The following USP34 variants were observed in gnomAD, a reference collection of about 807,000 sequenced individuals.
USP34 encodes the protein ubiquitin specific peptidase 34.
In USP34, 70 loss-of-function variants were observed where a neutral mutation model predicts 460.3. That is an observed-to-expected ratio of 0.15 (90% CI 0.13 to 0.19). The LOEUF is 0.19. Ranked by LOEUF, USP34 falls within the 10% of genes least tolerant of loss-of-function variation. USP34 has a pLI of 1.00. For synonymous variants in USP34, 1,647 were observed against 1,405.3 expected (o/e 1.17, Z -3.85); for missense variants, 3,985 against 4,236.2 (o/e 0.94, Z 1.65).
At position 61,265,550 on chromosome 2, in the gene USP34, T is replaced by G; in HGVS notation, c.5625A>C (p.Ala1875=). ...GAGGCCAGTAATCCCATTTATAAGG[T>G]GCATGGGCTGCTGAAGAAAGAGGGA... ...WVMAQHMQSH[A]PYKWDYWPHE... Residue 1875 remains alanine (A), a synonymous_variant, in exon 43 of 80, where the codon GCA becomes GCC. Coordinates refer to ENST00000398571, the MANE Select transcript of USP34 (RefSeq NM_014709.4). The G allele has an allele frequency of 6.3e-7, 1 of 1,590,792 alleles. No homozygotes were observed. Among genetic ancestry groups the G allele is most frequent in the Non-Finnish European group, 8.6e-7 (1 of 1,165,530 alleles).
chr2:61,397,628 C>T (rs1693576311), intron 3 of USP34, among the ~76,000 whole-genome samples: 1 of 152,006 alleles, frequency 6.6e-6, no homozygotes, highest in African/African-American at 2.4e-5. Flanking sequence ...TGGCTGTGTG[C>T]AATGGCTCAC....
chr2:61,470,793 C>A lies in USP34; in HGVS notation c.-101G>T. 3.0e-6 allele frequency: 2 copies of A among 668,086 alleles called. No homozygotes were observed. The highest frequency in any genetic ancestry group is 2.1e-5 in the South Asian group (1 of 48,332). 41.4% of individuals were successfully genotyped at this position (668,086 alleles called of 1,614,324 possible). A position where few individuals can be genotyped will look rare whatever the true frequency, so the allele number is the denominator to read the frequency against. On this transcript the variant is annotated 5_prime_UTR_variant, in exon 1 of 80. Transcript: ENST00000398571. ...GAGGCGGAGGAGGGGGCCGGCCGGC[C>A]GGCGGGGCGGGGAGGCGACTAGGGC...
chr2:61,326,419 G>A (rs1384659155), intron 20 of USP34, among the ~76,000 whole-genome samples: 1 of 152,110 alleles, frequency 6.6e-6, no homozygotes, highest in African/African-American at 2.4e-5. Flanking sequence ...AGTAGAGACG[G>A]GGTTTCACCA....
intron 48 of USP34, among the ~76,000 whole-genome samples, chr2:61,255,323 C>T (rs890455802): frequency 5.3e-5 from 8 of 152,312 alleles, no homozygotes; most frequent in African/African-American, 1.9e-4. Context: ...TCAACAGTTA[C>T]TAACTCCCAA....
rs151163953 is a variant in USP34, at chr2:61,365,353, A to C, written c.1251+4968T>G. Among the ~76,000 whole-genome samples, 1,236 of 152,088 alleles carry C rather than the reference A, an allele frequency of 8.1e-3. 22 individuals carry two copies. The highest frequency in any genetic ancestry group is 0.029 in the African/African-American group (1,182 of 41,450). On this transcript the variant is annotated intron_variant, in intron 10 of 79. Coordinates refer to ENST00000398571, the MANE Select transcript of USP34 (RefSeq NM_014709.4). ...TATATATGTATGTATGTATGTATGT[A>C]TGCCTTCAAAAACTCAGAACAAAAC... is the stretch of plus-strand genomic sequence containing the variant.
chr2:61,296,513 A>G lies in USP34; in HGVS notation c.4254+287T>C, dbSNP rs370377343. Among the ~76,000 whole-genome samples the G allele has an allele frequency of 2.7e-4, 41 of 152,350 alleles. 1 individual carries two copies. In the East Asian group the frequency reaches 5.4e-3, roughly 20 times the overall value. On this transcript the variant is annotated intron_variant, in intron 30 of 79. Coordinates refer to ENST00000398571, the MANE Select transcript of USP34 (RefSeq NM_014709.4). ...TTTTTGTTACTAAGAACAAAAAACA[A>G]TATTAAAAGCATACTGTAATATGAA...
intron 1 of USP34, among the ~76,000 whole-genome samples, chr2:61,440,498 GA>G (rs1694932515): frequency 6.6e-6 from 1 of 151,500 alleles, no homozygotes; most frequent in Non-Finnish European, 1.5e-5. Flanking sequence ...CATTCTTCTT[GA>G]AAAAGTTGCC....
At chr2:61,235,751 A>T in intron 57 of USP34, 94 bp downstream of exon 57, 1 of 1,288,006 alleles carries the variant, frequency 7.8e-7, no homozygotes, top group Non-Finnish European at 1.1e-6. Context: ...TCCCTGTGAC[A>T]GATAAAACAA....
chr2:61,378,533 T>C (rs1157550384), intron 7 of USP34, 109 bp from the exon 8 acceptor site: 1 of 598,292 alleles, frequency 1.7e-6, no homozygotes, highest in Non-Finnish European at 2.9e-6. Context: ...TCACAATAAC[T>C]AGATTAATAT....
intron 39 of USP34, among the ~76,000 whole-genome samples, chr2:61,279,866 G>GT (rs1414666357): frequency 1.3e-5 from 2 of 152,118 alleles, no homozygotes; most frequent in Non-Finnish European, 2.9e-5. Context: ...TTTCTTTAAA[G>GT]TAACTTCTAT....
At chr2:61,381,761 A>G (rs917270326) in intron 6 of USP34, among the ~76,000 whole-genome samples, 35 of 152,124 alleles carry the variant, frequency 2.3e-4, no homozygotes, top group African/African-American at 4.3e-4. Flanking sequence ...GGTGACTCCT[A>G]TGGTTTTTAA....
intron 1 of USP34, among the ~76,000 whole-genome samples, chr2:61,431,141 T>C (rs1694665165): frequency 6.6e-6 from 1 of 152,218 alleles, no homozygotes; most frequent in Non-Finnish European, 1.5e-5. Context: ...GAATTATACC[T>C]AGCCAGGAGG....
chr2:61,348,265 A>G lies in USP34; in HGVS notation c.1890T>C (p.Gly630=). 3 of 1,614,190 alleles carry G rather than the reference A, an allele frequency of 1.9e-6. No individual in the cohort carries two copies. The highest frequency in any genetic ancestry group is 2.5e-6 in the Non-Finnish European group (3 of 1,180,008). The change falls in exon 15 of 80, where the codon GGT becomes GGC. Residue 630 remains glycine (G), a synonymous_variant. Coordinates refer to ENST00000398571, the MANE Select transcript of USP34 (RefSeq NM_014709.4). ...LKEEDEDDDH[G]HNPPKSSCGT... is the part of the protein sequence containing the mutation. ...CACAACTGCTTTTGGGAGGATTATGACCATGATCATCGTCTTCATCTTCCT... is the reference window on the plus strand; with the variant it reads ...CACAACTGCTTTTGGGAGGATTATGGCCATGATCATCGTCTTCATCTTCCT...
At chr2:61,378,484 AGCAAATACTAACATGGTAAAC>A in intron 7 of USP34, 60 bp from the exon 8 acceptor site, 1 of 1,058,626 alleles carries the variant, frequency 9.4e-7, no homozygotes. Flanking sequence ...TGCATTTGTC[AGCAAATACTAACATGGTAAAC>A]TGATTGACAT....
chr2:61,452,604 C>A (rs996886524), intron 1 of USP34, among the ~76,000 whole-genome samples: 1 of 151,800 alleles, frequency 6.6e-6, no homozygotes, highest in Non-Finnish European at 1.5e-5. Context: ...GCATTACAGG[C>A]GTCAGCCACC....
At chr2:61,227,977 T>G (rs1205819963) in intron 61 of USP34, among the ~76,000 whole-genome samples, 1 of 152,228 alleles carries the variant, frequency 6.6e-6, no homozygotes, top group Non-Finnish European at 1.5e-5. Context: ...GGCTTCTAAA[T>G]GCAGACTCAA....
At chr2:61,419,683 A>G (rs1240090870) in intron 2 of USP34, among the ~76,000 whole-genome samples, 1 of 151,398 alleles carries the variant, frequency 6.6e-6, no homozygotes, top group Non-Finnish European at 1.5e-5. Flanking sequence ...TTTTCCTAGT[A>G]TAACATGTTG....
chr2:61,280,810 T>C (rs1572897019), intron 38 of USP34, among the ~76,000 whole-genome samples: 1 of 152,188 alleles, frequency 6.6e-6, no homozygotes. Context: ...TTAGTCAACT[T>C]ATTAACACAA....
intron 15 of USP34, 122 bp from the exon 16 acceptor site, chr2:61,344,151 A>G: frequency 3.6e-6 from 3 of 827,982 alleles, no homozygotes; most frequent in Non-Finnish European, 5.6e-6. Context: ...TCTGCTTATT[A>G]ACAATATGGA....
Sources: gnomAD v4.1 joint callset for allele counts (sites outside exome capture counted in the v4.1 genomes callset) on GRCh38, gnomAD v4.1.1 for gene constraint, MANE v1.5 for transcripts, NCBI Gene and HGNC (gene_info 2026-07-23, HGNC 2026-07-21) for gene names.